The following PCDH17 variants were observed in gnomAD, a reference collection of about 807,000 sequenced individuals.
PCDH17 encodes the protein protocadherin 17, also known as protocadherin-17.
In PCDH17, 21 loss-of-function variants were observed where a neutral mutation model predicts 67.7. That is an observed-to-expected ratio of 0.31 (90% CI 0.22 to 0.45). The LOEUF is 0.45. Ranked by LOEUF, PCDH17 falls within the 20% of genes least tolerant of loss-of-function variation. PCDH17 has a pLI of 1.00. For synonymous variants in PCDH17, 701 were observed against 656.7 expected (o/e 1.07, Z -1.03); for missense variants, 1,471 against 1,564.8 (o/e 0.94, Z 1.01).
At chr13:57,721,351 G>A (rs1329046293) in intron 3 of PCDH17, among the ~76,000 whole-genome samples, 1 of 151,966 alleles carries the variant, frequency 6.6e-6, no homozygotes, top group Non-Finnish European at 1.5e-5. Flanking sequence ...TCTGTTCAGG[G>A]TTTCTGGACT....
intron 3 of PCDH17, among the ~76,000 whole-genome samples, chr13:57,686,680 T>G (rs1160179025): frequency 2.0e-5 from 3 of 151,866 alleles, no homozygotes. Flanking sequence ...AGATATAATA[T>G]AAAAAACTAG....
chr13:57,706,037 TTACC>T (rs1345614438), intron 3 of PCDH17, among the ~76,000 whole-genome samples: 2 of 151,574 alleles, frequency 1.3e-5, no homozygotes, highest in Non-Finnish European at 2.9e-5. Context: ...AAAAATACCC[TTACC>T]TTTCAATAGG....
At chr13:57,717,886 C>A (rs1414410340) in intron 3 of PCDH17, among the ~76,000 whole-genome samples, 2 of 151,804 alleles carry the variant, frequency 1.3e-5, no homozygotes, top group Non-Finnish European at 2.9e-5. Context: ...ATTTATAATT[C>A]TTTATGGGGC....
Position 57,702,762 on chromosome 13 carries a change from A to G in PCDH17, c.2798-21850A>G, listed in dbSNP as rs1955679251. Among the ~76,000 whole-genome samples, 4 of 152,164 alleles carry G rather than the reference A, an allele frequency of 2.6e-5. No homozygotes were observed. In the South Asian group the frequency reaches 6.2e-4, roughly 24 times the overall value. On this transcript the variant is annotated intron_variant, in intron 3 of 3. Coordinates refer to ENST00000377918, the MANE Select transcript of PCDH17 (RefSeq NM_001040429.3). ...GCAAGACAGCCAGTCTCTGACTATAAAGACCCACATAGACCCATAGGAGAA... is the reference window on the plus strand; with the variant it reads ...GCAAGACAGCCAGTCTCTGACTATAGAGACCCACATAGACCCATAGGAGAA...
intron 3 of PCDH17, among the ~76,000 whole-genome samples, chr13:57,724,066 G>C (rs1312825099): frequency 6.6e-6 from 1 of 152,040 alleles, no homozygotes; most frequent in Admixed American, 6.6e-5. Context: ...AATTCCATTT[G>C]CCACTCTCAG....
chr13:57,642,150 T>C (rs1179340445), intron 1 of PCDH17, among the ~76,000 whole-genome samples: 1 of 151,756 alleles, frequency 6.6e-6, no homozygotes, highest in South Asian at 2.1e-4. Flanking sequence ...AACTTCTGTT[T>C]GATTCTGAAA....
chr13:57,633,926 C>T lies in PCDH17; in HGVS notation c.1380C>T (p.Ile460=), dbSNP rs369545682. 6 of 1,613,338 alleles carry T rather than the reference C, an allele frequency of 3.7e-6. No individual in the cohort carries two copies. The highest frequency in any genetic ancestry group is 5.1e-6 in the Non-Finnish European group (6 of 1,180,032). ...PPLNSTKSFA[I]KILDENDNPP... is the part of the protein sequence containing the mutation. ...TCAACTCCACCAAGTCGTTCGCGAT[C>T]AAGATTCTAGACGAGAACGACAACC... Residue 460 remains isoleucine (I), a synonymous_variant, in exon 1 of 4, where the codon ATC becomes ATT. Transcript: ENST00000377918. The surrounding 1 kb of genome is among the most constrained non-coding windows in gnomAD (Gnocchi z 6.2).
chr13:57,674,909 A>G (rs892391903), intron 3 of PCDH17, among the ~76,000 whole-genome samples: 7 of 151,898 alleles, frequency 4.6e-5, no homozygotes, highest in African/African-American at 1.7e-4. Context: ...TAACGCCTCC[A>G]TTTTATAAGA....
rs1229239209 is a variant in PCDH17 at position 57,632,785 on chromosome 13, A to G, written c.239A>G (p.Asp80Gly). ...SAPHLLDVDA[D>G]SGLLYTKQRI... is the part of the protein sequence containing the mutation. ...CCGCACCTGCTGGACGTGGACGCAG[A>G]CAGCGGGCTCCTCTACACCAAGCAG... Residue 80 changes from aspartate to glycine, a missense_variant, in exon 1 of 4, where the codon GAC becomes GGC. Transcript: ENST00000377918. 6 of 1,613,276 alleles carry G rather than the reference A, an allele frequency of 3.7e-6. No individual in the cohort carries two copies. The highest frequency in any genetic ancestry group is 5.1e-6 in the Non-Finnish European group (6 of 1,179,946).
chr13:57,643,241 GTAGA>G (rs1954924969), intron 1 of PCDH17, among the ~76,000 whole-genome samples: 1 of 151,382 alleles, frequency 6.6e-6, no homozygotes, highest in African/African-American at 2.4e-5. Context: ...TATTTTATCA[GTAGA>G]TAAAATGAAA....
chr13:57,664,166 G>C (rs187599087), intron 1 of PCDH17, among the ~76,000 whole-genome samples: 11 of 152,234 alleles, frequency 7.2e-5, no homozygotes, highest in African/African-American at 2.4e-4. Context: ...ACCTCCCAAA[G>C]TGCTGGGATT....
In PCDH17 at chr13:57,725,333, C is replaced by G. The variant is rs1405491629; in HGVS notation, c.*39C>G. 6.5e-7 allele frequency: 1 copy of G among 1,534,112 alleles called. No individual in the cohort carries two copies. Among genetic ancestry groups the G allele is most frequent in the Non-Finnish European group, 8.8e-7 (1 of 1,133,736 alleles). ...AAAAGGCATTGGCATTTTCTTGTCT[C>G]TTCTGTTGATTTAAAAATGATCCCT... On this transcript the variant is annotated 3_prime_UTR_variant, in exon 4 of 4. Transcript: ENST00000377918.
intron 3 of PCDH17, among the ~76,000 whole-genome samples, chr13:57,679,046 C>T (rs374626496): frequency 3.3e-5 from 5 of 151,322 alleles, no homozygotes; most frequent in Non-Finnish European, 5.9e-5. Flanking sequence ...TCTGAATACT[C>T]GCACTAAATA....
chr13:57,696,159 A>T (rs903818330), intron 3 of PCDH17, among the ~76,000 whole-genome samples: 3 of 151,484 alleles, frequency 2.0e-5, no homozygotes, highest in Non-Finnish European at 4.4e-5. Context: ...ATTGATATTT[A>T]TATTTAACTT....
At chr13:57,712,732 A>G (rs1435087608) in intron 3 of PCDH17, among the ~76,000 whole-genome samples, 1 of 151,690 alleles carries the variant, frequency 6.6e-6, no homozygotes, top group Non-Finnish European at 1.5e-5. Context: ...GAATTAAGAA[A>G]GACTGTCTTA....
intron 3 of PCDH17, among the ~76,000 whole-genome samples, chr13:57,686,342 T>C (rs1408909617): frequency 1.3e-5 from 2 of 152,008 alleles, no homozygotes; most frequent in South Asian, 2.1e-4. Context: ...TGCAGAACCC[T>C]GGATGTTAAC....
chr13:57,724,973 C>T lies in PCDH17; in HGVS notation c.3159C>T (p.Ser1053=). ...AGCCTTGCACCTCAACAAAAGGCTC[C>T]CTGGATGGCTGTGAAGCAAAACCAG... ...CIEPCTSTKG[S]LDGCEAKPGA... Residue 1053 remains serine (S), a synonymous_variant, in exon 4 of 4, where the codon TCC becomes TCT. Coordinates refer to ENST00000377918, the MANE Select transcript of PCDH17 (RefSeq NM_001040429.3). The T allele has an allele frequency of 1.2e-6, 2 of 1,614,146 alleles. No individual in the cohort carries two copies. The highest frequency in any genetic ancestry group is 1.7e-6 in the Non-Finnish European group (2 of 1,180,024).
intron 1 of PCDH17, among the ~76,000 whole-genome samples, chr13:57,644,290 T>A (rs1346254302): frequency 6.6e-6 from 1 of 151,624 alleles, no homozygotes; most frequent in Admixed American, 6.6e-5. Flanking sequence ...TATTCTATGG[T>A]GTGGCTCTGA....
intron 3 of PCDH17, among the ~76,000 whole-genome samples, chr13:57,697,112 C>T (rs1356242794): frequency 6.6e-6 from 1 of 151,544 alleles, no homozygotes; most frequent in Non-Finnish European, 1.5e-5. Flanking sequence ...ATTGGGGCAC[C>T]TGCTTCAGTT....
Sources: allele counts gnomAD v4.1 joint callset (sites outside exome capture counted in the v4.1 genomes callset), GRCh38; gene constraint gnomAD v4.1.1; non-coding constraint Gnocchi (gnomAD v3.1); transcripts MANE v1.5; gene names NCBI Gene and HGNC (gene_info 2026-07-23, HGNC 2026-07-21).